DSCAML1: variants seen among roughly 807,000 people sequenced by gnomAD.
The protein encoded by DSCAML1 is DS cell adhesion molecule like 1.
DSCAML1 carries 38 observed loss-of-function variants against 200.5 expected under a neutral mutation model. That is an observed-to-expected ratio of 0.19 (90% CI 0.15 to 0.25). The LOEUF is 0.25. DSCAML1 is among the 10% of genes least tolerant of loss of function. The pLI, the probability that DSCAML1 is intolerant of heterozygous loss-of-function variation, is 1.00. For missense variants in DSCAML1, 2,223 were observed against 2,858.8 expected, an observed-to-expected ratio of 0.78 and a Z score of 5.07; for synonymous variants, 1,215 against 1,165.0, an observed-to-expected ratio of 1.04 and a Z score of -0.87.
chr11:117,685,023 G>A (rs1367965118), intron 3 of DSCAML1, among the ~76,000 whole-genome samples: 2 of 152,254 alleles, frequency 1.3e-5, no homozygotes, highest in Admixed American at 1.3e-4. Context: ...CCTGTCCCAG[G>A]AGGCCTGAGG....
intron 3 of DSCAML1, among the ~76,000 whole-genome samples, chr11:117,631,207 A>G (rs575805973): frequency 6.6e-6 from 1 of 152,298 alleles, no homozygotes; most frequent in African/African-American, 2.4e-5. Flanking sequence ...GGGAGCCCCA[A>G]ATCTGAGCTA....
In DSCAML1 at chr11:117,642,225, T is replaced by C. The variant is rs1031257296; in HGVS notation, c.512-109703A>G. On this transcript the variant is annotated intron_variant, in intron 3 of 32. Transcript: ENST00000651296. The surrounding 1 kb of genome is among the most constrained non-coding windows in gnomAD (Gnocchi z 4.1). ...GCGGTATCTGAGTCTCTAGCCCACT[T>C]TTGGACACCATAGTGCTAGCCACTG... Among the ~76,000 whole-genome samples the C allele has an allele frequency of 6.6e-6, 1 of 152,208 alleles. No individual in the cohort carries two copies. The highest frequency in any genetic ancestry group is 1.5e-5 in the Non-Finnish European group (1 of 68,030).
chr11:117,440,159 T>C (rs959347863), intron 21 of DSCAML1, among the ~76,000 whole-genome samples: 17 of 152,160 alleles, frequency 1.1e-4, no homozygotes, highest in African/African-American at 2.7e-4. Flanking sequence ...CACAAGAGGC[T>C]CTGAGGATTC....
At chr11:117,604,897 G>A (rs781762057) in intron 3 of DSCAML1, among the ~76,000 whole-genome samples, 3 of 152,226 alleles carry the variant, frequency 2.0e-5, no homozygotes, top group Non-Finnish European at 4.4e-5. Context: ...TGAGACAGGT[G>A]CTCTGGGGAT....
chr11:117,521,060 C>T, intron 6 of DSCAML1, 70 bp downstream of exon 6: 2 of 1,570,878 alleles, frequency 1.3e-6, no homozygotes, highest in Non-Finnish European at 1.7e-6. Flanking sequence ...TTGCTCCCAC[C>T]TCAGCAGAAG....
Position 117,471,955 on chromosome 11 carries a change from G to A in DSCAML1, c.2867C>T (p.Ser956Phe), listed in dbSNP as rs778574684. ...AGAGTACATGCGGATGCTGTACACA[G>A]ATGCCGGGTGCAAGTCCACAATGTT... ...QANIVDLHPA[S>F]VYSIRMYSFN... The change falls in exon 15 of 33, where the codon TCT (serine) becomes TTT (phenylalanine). Residue 956 changes from serine to phenylalanine, a missense_variant. Coordinates refer to ENST00000651296, the MANE Select transcript of DSCAML1 (RefSeq NM_020693.4). 1.2e-6 allele frequency: 2 copies of A among 1,614,172 alleles called. No homozygotes were observed. Among genetic ancestry groups the A allele is most frequent in the Non-Finnish European group, 1.7e-6 (2 of 1,180,038 alleles).
At chr11:117,581,032 C>T (rs2051028743) in intron 3 of DSCAML1, among the ~76,000 whole-genome samples, 2 of 152,184 alleles carry the variant, frequency 1.3e-5, no homozygotes, top group Admixed American at 1.3e-4. Context: ...ACTTGGTGAG[C>T]CAACGAGGTA....
chr11:117,544,487 G>A (rs2050334221), intron 3 of DSCAML1, among the ~76,000 whole-genome samples: 1 of 152,188 alleles, frequency 6.6e-6, no homozygotes, highest in Non-Finnish European at 1.5e-5. Flanking sequence ...CACCAGGGCA[G>A]CCTGCGGGGA....
chr11:117,805,730 C>T (rs2055702776), intron 1 of DSCAML1, among the ~76,000 whole-genome samples: 1 of 152,130 alleles, frequency 6.6e-6, no homozygotes, highest in Non-Finnish European at 1.5e-5. Flanking sequence ...ATTCTTTTGG[C>T]AACTCTGTGC....
chr11:117,664,501 T>A (rs757298332), intron 3 of DSCAML1, among the ~76,000 whole-genome samples: 1 of 152,098 alleles, frequency 6.6e-6, no homozygotes, highest in Non-Finnish European at 1.5e-5. Context: ...TCTGCAAAAA[T>A]AGGGATGACA....
chr11:117,605,239 C>T (rs957599559), intron 3 of DSCAML1, among the ~76,000 whole-genome samples: 1 of 152,070 alleles, frequency 6.6e-6, no homozygotes, highest in Non-Finnish European at 1.5e-5. Context: ...TGATTCTCCC[C>T]ACTACCCCCA....
At chr11:117,693,270 C>G (rs1279766645) in intron 3 of DSCAML1, among the ~76,000 whole-genome samples, 1 of 152,220 alleles carries the variant, frequency 6.6e-6, no homozygotes, top group Non-Finnish European at 1.5e-5. Flanking sequence ...TTTTTTGGAA[C>G]CTCAGTGCAA....
chr11:117,784,723 AC>A (rs1238252384), intron 1 of DSCAML1, among the ~76,000 whole-genome samples: 1 of 151,928 alleles, frequency 6.6e-6, no homozygotes, highest in Non-Finnish European at 1.5e-5. Flanking sequence ...CTGGGTGCTC[AC>A]CCCTCACCTG....
chr11:117,649,418 T>C (rs1340144221), intron 3 of DSCAML1, among the ~76,000 whole-genome samples: 2 of 152,128 alleles, frequency 1.3e-5, no homozygotes, highest in Non-Finnish European at 2.9e-5. Context: ...TCCCTTAAAA[T>C]TGGTCTCTCC....
At chr11:117,678,273 C>T (rs1273660059) in intron 3 of DSCAML1, among the ~76,000 whole-genome samples, 1 of 152,196 alleles carries the variant, frequency 6.6e-6, no homozygotes, top group African/African-American at 2.4e-5. Context: ...CTAAGTGAGC[C>T]CCAGGCTACA....
chr11:117,658,175 C>T (rs1651299180), intron 3 of DSCAML1, among the ~76,000 whole-genome samples: 1 of 152,158 alleles, frequency 6.6e-6, no homozygotes, highest in Admixed American at 6.5e-5. Flanking sequence ...CTTTTAGGAC[C>T]CATTTTTAAG....
chr11:117,616,630 C>A (rs932400306), intron 3 of DSCAML1, among the ~76,000 whole-genome samples: 1 of 152,048 alleles, frequency 6.6e-6, no homozygotes, highest in Non-Finnish European at 1.5e-5. Flanking sequence ...AGATTTTATG[C>A]TTTTTTTGGT....
In DSCAML1 at chr11:117,465,158, C is replaced by T. The variant is rs1275837315; in HGVS notation, c.3049G>A (p.Gly1017Ser). 3 of 1,613,526 alleles carry T rather than the reference C, an allele frequency of 1.9e-6. No individual in the cohort carries two copies. The highest frequency in any genetic ancestry group is 2.7e-5 in the African/African-American group (2 of 74,878). ...WKAPKKELQN[G>S]VIRGYQIGYR... is the part of the protein sequence containing the mutation. Reference sequence around the variant, plus strand: ...CCAATCTGGTAGCCCCGGATGACACCGTTCTGCAGCTCCTTCTTGGGTGCC... The same window carrying T: ...CCAATCTGGTAGCCCCGGATGACACTGTTCTGCAGCTCCTTCTTGGGTGCC... The change falls in exon 17 of 33, where the codon GGT (glycine) becomes AGT (serine). Residue 1017 changes from glycine (G) to serine (S), a missense_variant. By Grantham distance (56) the Gly-to-Ser change is moderately conservative (BLOSUM62 0). This residue lies in a region of DSCAML1 where 438 missense variants were observed against 629.7 expected (regional missense o/e 0.70). Coordinates refer to ENST00000651296, the MANE Select transcript of DSCAML1 (RefSeq NM_020693.4).
At chr11:117,800,038 G>C (rs933983003), upstream of DSCAML1, among the ~76,000 whole-genome samples, 3 of 152,250 alleles carry the variant, frequency 2.0e-5, no homozygotes, top group African/African-American at 7.2e-5. Flanking sequence ...CACTGAGGCG[G>C]AAGAGCCTGG....
Sources: allele counts gnomAD v4.1 joint callset (sites outside exome capture counted in the v4.1 genomes callset), GRCh38; gene constraint gnomAD v4.1.1; regional missense constraint gnomAD v4.1.1; non-coding constraint Gnocchi (gnomAD v3.1); transcripts MANE v1.5; gene names NCBI Gene and HGNC (gene_info 2026-07-23, HGNC 2026-07-21).